TMX2: variants seen among roughly 807,000 people sequenced by gnomAD.
TMX2 encodes the protein thioredoxin-related transmembrane protein 2.
A neutral mutation model predicts 33.4 loss-of-function variants in TMX2; 20 were observed. That is an observed-to-expected ratio of 0.60 (90% confidence interval 0.42 to 0.87). TMX2 has a LOEUF of 0.87. TMX2 is among the 40% of genes least tolerant of loss of function. TMX2 has a pLI of 0.00. For synonymous variants in TMX2, 166 were observed against 140.7 expected (o/e 1.18, Z -1.27); for missense variants, 340 against 370.7 (o/e 0.92, Z 0.68).
At chr11:57,718,587 A>G (rs1185235678) in intron 1 of TMX2, 5 of 554,470 alleles carry the variant, frequency 9.0e-6, no homozygotes, top group East Asian at 3.8e-5. Context: ...CCAACTTTTT[A>G]TATCTGTTTA....
At chr11:57,713,474 C>T (rs1590890197) in intron 1 of TMX2, among the ~76,000 whole-genome samples, 1 of 152,230 alleles carries the variant, frequency 6.6e-6, no homozygotes, top group Middle Eastern at 3.4e-3. Flanking sequence ...TGGGAAGTGT[C>T]CCAAGCTCCT....
At chr11:57,723,900 TA>T (rs1024500478) in intron 1 of TMX2, among the ~76,000 whole-genome samples, 1 of 149,544 alleles carries the variant, frequency 6.7e-6, no homozygotes, top group African/African-American at 2.5e-5. Context: ...TTTTTTTTTT[TA>T]AAAAGGAAAA....
intron 1 of TMX2, among the ~76,000 whole-genome samples, chr11:57,726,047 T>C (rs954377232): frequency 6.6e-6 from 1 of 152,250 alleles, no homozygotes; most frequent in Non-Finnish European, 1.5e-5. Context: ...ATGATGCTTA[T>C]GTTTTGTATA....
At chr11:57,725,571 T>C (rs1225415016) in intron 1 of TMX2, among the ~76,000 whole-genome samples, 1 of 152,114 alleles carries the variant, frequency 6.6e-6, no homozygotes, top group East Asian at 1.9e-4. Context: ...ACCCTGTCTC[T>C]ACTAAAAATA....
Position 57,720,947 on chromosome 11 carries a change from A to C in TMX2, c.189+8140A>C, listed in dbSNP as rs1027011081. Among the ~76,000 whole-genome samples the C allele has an allele frequency of 4.7e-4, 71 of 151,962 alleles. 1 individual carries two copies. The highest frequency in any genetic ancestry group is 1.6e-3 in the African/African-American group (66 of 41,376). On this transcript the variant is annotated intron_variant, in intron 1 of 7. Transcript: ENST00000278422. ...ATTTCTGTCTTTTAAAAATCTTGCC[A>C]AGGGAGTTTCTAAGGCTGTGTTCTT...
At position 57,716,085 on chromosome 11, in the gene TMX2, A is replaced by T. The variant is rs1590899212; in HGVS notation, c.189+3278A>T. On this transcript the variant is annotated intron_variant, in intron 1 of 7. Coordinates refer to ENST00000278422, the MANE Select transcript of TMX2 (RefSeq NM_015959.4). ...CCATTGTCATCCCGGCCCGTTCTCA[A>T]TGAGCTGTTGGGTACACCTCCCAGA... is the stretch of plus-strand genomic sequence containing the variant. Among the ~76,000 whole-genome samples the T allele has an allele frequency of 2.6e-5, 4 of 152,004 alleles. No homozygotes were observed. The South Asian group carries it at 8.3e-4, about 32-fold the overall frequency.
intron 1 of TMX2, among the ~76,000 whole-genome samples, chr11:57,722,084 C>G (rs1427896639): frequency 1.3e-5 from 2 of 152,152 alleles, no homozygotes; most frequent in Non-Finnish European, 2.9e-5. Flanking sequence ...CAGCCTCAAC[C>G]TGCTGCACTT....
At chr11:57,715,019 T>C (rs1946884016) in intron 1 of TMX2, among the ~76,000 whole-genome samples, 1 of 152,236 alleles carries the variant, frequency 6.6e-6, no homozygotes, top group South Asian at 2.1e-4. Flanking sequence ...TTGGAAATTT[T>C]TACCCAGTCC....
At position 57,718,171 on chromosome 11, in the gene TMX2, A is replaced by G. The variant is rs1157938436; in HGVS notation, c.189+5364A>G. The G allele has an allele frequency of 2.6e-5, 32 of 1,252,650 alleles. No individual in the cohort carries two copies. In the East Asian group the frequency reaches 6.1e-4, roughly 24 times the overall value. The allele number at this position is 1,252,650 out of a possible 1,614,324, so 77.6% of individuals were successfully genotyped here. ...CCAAAGACCACATGCTTGCCATCCA[A>G]CCACTCACTCTTGGCAGTGTAGATG... On this transcript the variant is annotated intron_variant, in intron 1 of 7. Coordinates refer to ENST00000278422, the MANE Select transcript of TMX2 (RefSeq NM_015959.4).
intron 1 of TMX2, among the ~76,000 whole-genome samples, chr11:57,716,737 A>G (rs1590904656): frequency 7.4e-6 from 1 of 135,342 alleles, no homozygotes; most frequent in Middle Eastern, 4.5e-3. Context: ...TCCCTCCCGG[A>G]CGGGGTGGCT....
chr11:57,724,392 T>G (rs991045486), intron 1 of TMX2, among the ~76,000 whole-genome samples: 1 of 152,182 alleles, frequency 6.6e-6, no homozygotes, highest in African/African-American at 2.4e-5. Flanking sequence ...ACTAGCTTTA[T>G]GATAACTGGG....
intron 1 of TMX2, among the ~76,000 whole-genome samples, chr11:57,730,892 T>G (rs977705910): frequency 6.6e-6 from 1 of 152,144 alleles, no homozygotes; most frequent in Non-Finnish European, 1.5e-5. Context: ...GAAGGAATTT[T>G]TAAAGGGGTT....
At chr11:57,731,571 T>C (rs1190593202) in intron 1 of TMX2, among the ~76,000 whole-genome samples, 1 of 151,714 alleles carries the variant, frequency 6.6e-6, no homozygotes, top group Non-Finnish European at 1.5e-5. Context: ...GAGGGCTGTG[T>C]CACAGGCCAT....
intron 1 of TMX2, among the ~76,000 whole-genome samples, chr11:57,716,184 C>G (rs371039434): frequency 6.6e-6 from 1 of 151,682 alleles, no homozygotes; most frequent in Non-Finnish European, 1.5e-5. Flanking sequence ...CCTCACCTCC[C>G]GGACCGGGCG....
At chr11:57,730,988 C>A (rs200588406) in intron 1 of TMX2, among the ~76,000 whole-genome samples, 17 of 151,248 alleles carry the variant, frequency 1.1e-4, no homozygotes, top group South Asian at 2.1e-4. Context: ...TAACACAAAA[C>A]TTAGTTAAAA....
In TMX2 at chr11:57,715,586, C is replaced by CTTTT. The variant is rs367827761; in HGVS notation, c.189+2786_189+2789dup. On this transcript the variant is annotated intron_variant, in intron 1 of 7. Coordinates refer to ENST00000278422, the MANE Select transcript of TMX2 (RefSeq NM_015959.4). ...TTTATAACCTCTTAGAATTTGTTTT[C>CTTTT]TTTTTTTTTTCTTTTATTGATCATT... is the stretch of plus-strand genomic sequence containing the variant. Among the ~76,000 whole-genome samples the CTTTT allele has an allele frequency of 5.5e-4, 72 of 130,108 alleles. 1 individual carries two copies. The East Asian group carries it at 7.5e-3, about 14-fold the overall frequency. 85.4% of individuals were successfully genotyped at this position (130,108 alleles called of 152,430 possible). A position where few individuals can be genotyped will look rare whatever the true frequency, so the allele number is the denominator to read the frequency against.
intron 1 of TMX2, among the ~76,000 whole-genome samples, chr11:57,723,757 C>A (rs937909726): frequency 6.6e-6 from 1 of 150,410 alleles, no homozygotes; most frequent in Non-Finnish European, 1.5e-5. Context: ...GAGCTGTGAT[C>A]ACACCACTGC....
At chr11:57,722,011 G>T (rs1175564371) in intron 1 of TMX2, among the ~76,000 whole-genome samples, 1 of 151,952 alleles carries the variant, frequency 6.6e-6, no homozygotes, top group African/African-American at 2.4e-5. Context: ...AAAATTGAGG[G>T]GGGAGACAGG....
intron 1 of TMX2, among the ~76,000 whole-genome samples, chr11:57,722,975 G>A (rs1947735872): frequency 6.6e-6 from 1 of 152,092 alleles, no homozygotes; most frequent in Non-Finnish European, 1.5e-5. Context: ...GCTGGGCGTG[G>A]TGGCGTGTTC....
Sources: gnomAD v4.1 joint callset for allele counts (sites outside exome capture counted in the v4.1 genomes callset) on GRCh38, gnomAD v4.1.1 for gene constraint, MANE v1.5 for transcripts, NCBI Gene and HGNC (gene_info 2026-07-23, HGNC 2026-07-21) for gene names.